The following SPINK5 variants were observed in gnomAD, a reference collection of about 807,000 sequenced individuals.
The protein encoded by SPINK5 is serine protease inhibitor Kazal-type 5.
Under a neutral mutation model 151.8 loss-of-function variants are expected in SPINK5, and 125 were observed. The observed-to-expected ratio is 0.82, with a 90% CI of 0.71 to 0.96. SPINK5 has a LOEUF of 0.96. SPINK5 is among the 40% of genes least tolerant of loss of function. SPINK5 has a pLI of 0.00. For missense variants in SPINK5, 1,194 were observed against 1,291.9 expected (o/e 0.92, Z 1.16); for synonymous variants, 374 against 395.3 (o/e 0.95, Z 0.64).
intron 32 of SPINK5, among the ~76,000 whole-genome samples, chr5:148,134,782 T>A (rs1754656524): frequency 6.6e-6 from 1 of 152,108 alleles, no homozygotes; most frequent in Admixed American, 6.6e-5. Context: ...AAACAATATT[T>A]TAATGCATTA....
At chr5:148,099,145 AGG>A in intron 11 of SPINK5, 87 bp from the exon 12 acceptor site, 2 of 1,220,944 alleles carry the variant, frequency 1.6e-6, no homozygotes, top group Non-Finnish European at 2.4e-6. Flanking sequence ...CACTCTAAGG[AGG>A]GAGAACAGTT....
chr5:148,077,625 C>G (rs2113019052), intron 4 of SPINK5, among the ~76,000 whole-genome samples: 1 of 110,456 alleles, frequency 9.1e-6, no homozygotes, highest in Non-Finnish European at 1.7e-5. Context: ...AATTATAATG[C>G]TGTTTTATCA....
intron 1 of SPINK5, 68 bp from the exon 2 acceptor site, chr5:148,065,279 G>C: frequency 6.5e-7 from 1 of 1,538,094 alleles, no homozygotes. Context: ...TGCATTAAAT[G>C]GATTATTTGT....
rs778069203 is a variant in SPINK5 at position 148,099,238 on chromosome 5, G to A, written c.1015G>A (p.Ala339Thr). Residue 339 changes from alanine (A) to threonine (T), a missense_variant, in exon 12 of 33, where the codon GCA (alanine) becomes ACA (threonine). Ala to Thr is a moderately conservative substitution (Grantham distance 58). Coordinates refer to ENST00000256084, the MANE Select transcript of SPINK5 (RefSeq NM_006846.4). ...LCSMCQAYFQAENEEKKKAEA... is the reference protein window; with the variant it reads ...LCSMCQAYFQTENEEKKKAEA... The stretch of plus-strand genomic sequence containing the variant: ...TTCTTTTTCCCTCTTATTCAGCCAA[G>A]CAGAAAATGAAGAAAAGAAAAAGGC... 2 of 1,609,020 alleles carry A rather than the reference G, an allele frequency of 1.2e-6. No individual in the cohort carries two copies. The highest frequency in any genetic ancestry group is 3.4e-5 in the Admixed American group (2 of 59,394).
In SPINK5 at chr5:148,111,947, C is replaced by T. The variant is rs375833259; in HGVS notation, c.1820+52C>T. ...ACTGAGTGTGGGAGAAGATCAGCATCGGGTGGGCAAGAGGGGTGACATTGG... is the reference window on the plus strand; with the variant it reads ...ACTGAGTGTGGGAGAAGATCAGCATTGGGTGGGCAAGAGGGGTGACATTGG... On this transcript the variant is annotated intron_variant, in intron 19 of 32. Transcript: ENST00000256084. 3.7e-6 allele frequency: 6 copies of T among 1,613,258 alleles called. No individual in the cohort carries two copies. The East Asian group carries it at 8.9e-5, about 24-fold the overall frequency.
At chr5:148,112,105 T>C (rs1174054784) in intron 19 of SPINK5, among the ~76,000 whole-genome samples, 1 of 152,176 alleles carries the variant, frequency 6.6e-6, no homozygotes, top group Non-Finnish European at 1.5e-5. Flanking sequence ...TGAATCACCA[T>C]CAAGAAAGGA....
intron 5 of SPINK5, 90 bp downstream of exon 5, chr5:148,086,622 G>A (rs1753163296): frequency 1.1e-5 from 16 of 1,518,678 alleles, no homozygotes; most frequent in South Asian, 7.3e-5. Flanking sequence ...TTAAGCTAAC[G>A]ATTCATTATG....
At chr5:148,106,031 T>TA (rs1365281586) in intron 16 of SPINK5, among the ~76,000 whole-genome samples, 4 of 152,046 alleles carry the variant, frequency 2.6e-5, no homozygotes, top group African/African-American at 9.7e-5. Flanking sequence ...CTTTTTTTTT[T>TA]AAATAAGTGT....
At chr5:148,073,814 T>TCTCACA (rs1752804106) in intron 4 of SPINK5, among the ~76,000 whole-genome samples, 1 of 113,814 alleles carries the variant, frequency 8.8e-6, no homozygotes, top group African/African-American at 3.4e-5. Context: ...TATGCCTGAG[T>TCTCACA]CACACACACA....
chr5:148,112,720 A>C, intron 19 of SPINK5, 148 bp from the exon 20 acceptor site: 1 of 1,281,870 alleles, frequency 7.8e-7, no homozygotes, highest in Non-Finnish European at 1.1e-6. Context: ...ACAATGATGT[A>C]GAGAGATGTG....
rs754211162 is a variant in SPINK5, at chr5:148,125,477, C to A, written c.2740-246C>A. The A allele has an allele frequency of 3.2e-6, 5 of 1,547,866 alleles. No homozygotes were observed. The South Asian group carries it at 5.7e-5, about 18-fold the overall frequency. ...AGGATGGATGAACGGGAGAAAAAAA[C>A]AGGAAGGTCTATCAAGTGTTGTTTT... On this transcript the variant is annotated intron_variant, in intron 28 of 32. Coordinates refer to ENST00000256084, the MANE Select transcript of SPINK5 (RefSeq NM_006846.4).
chr5:148,125,859 G>A lies in SPINK5; in HGVS notation c.2867+9G>A. The A allele has an allele frequency of 6.2e-7, 1 of 1,614,192 alleles. No individual in the cohort carries two copies. Among genetic ancestry groups the A allele is most frequent in the Non-Finnish European group, 8.5e-7 (1 of 1,180,014 alleles). Reference sequence around the variant, plus strand: ...ATGTGCAGAGCTGTCTTGTGAGTAAGAGGATTCTGCTCCCCCTGTAGCTAG... The same window carrying A: ...ATGTGCAGAGCTGTCTTGTGAGTAAAAGGATTCTGCTCCCCCTGTAGCTAG... On this transcript the variant is annotated intron_variant, in intron 29 of 32. Coordinates refer to ENST00000256084, the MANE Select transcript of SPINK5 (RefSeq NM_006846.4).
intron 4 of SPINK5, among the ~76,000 whole-genome samples, chr5:148,078,646 CA>C (rs2113020980): frequency 6.6e-6 from 1 of 150,386 alleles, no homozygotes; most frequent in South Asian, 2.1e-4. Flanking sequence ...TGAAAATCCC[CA>C]AATCTTTAGA....
chr5:148,130,711 C>A (rs1754549521), intron 30 of SPINK5, among the ~76,000 whole-genome samples: 1 of 152,120 alleles, frequency 6.6e-6, no homozygotes, highest in Non-Finnish European at 1.5e-5. Context: ...AACTTACATG[C>A]ATTATCTGTT....
chr5:148,111,709 G>T, intron 18 of SPINK5, 59 bp from the exon 19 acceptor site: 1 of 1,612,374 alleles, frequency 6.2e-7, no homozygotes, highest in South Asian at 1.1e-5. Flanking sequence ...TATTGTGGAG[G>T]AAGATTTCTA....
chr5:148,094,534 T>A, intron 9 of SPINK5, 53 bp downstream of exon 9: 1 of 1,610,370 alleles, frequency 6.2e-7, no homozygotes. Context: ...GAGTGGAGAT[T>A]GATTGGATTG....
chr5:148,092,900 C>A (rs1753349777), intron 8 of SPINK5, among the ~76,000 whole-genome samples: 3 of 151,852 alleles, frequency 2.0e-5, no homozygotes, highest in African/African-American at 7.3e-5. Context: ...TTTTAAAAAA[C>A]CAAAGAATGC....
At chr5:148,112,677 AAAACC>A (rs1443665731) in intron 19 of SPINK5, among the ~76,000 whole-genome samples, 186 bp from the exon 20 acceptor site, 1 of 127,862 alleles carries the variant, frequency 7.8e-6, no homozygotes, top group African/African-American at 3.4e-5. Flanking sequence ...ATCTCAAAAA[AAAACC>A]AAAAAACAAA....
intron 2 of SPINK5, among the ~76,000 whole-genome samples, chr5:148,066,479 A>G (rs1034407171): frequency 6.6e-6 from 1 of 152,134 alleles, no homozygotes; most frequent in African/African-American, 2.4e-5. Flanking sequence ...AAACTCTGAG[A>G]ACCATGGTTA....
Sources: allele counts gnomAD v4.1 joint callset (sites outside exome capture counted in the v4.1 genomes callset), GRCh38; gene constraint gnomAD v4.1.1; transcripts MANE v1.5; gene names NCBI Gene and HGNC (gene_info 2026-07-23, HGNC 2026-07-21).